MRPL24: variants seen among roughly 807,000 people sequenced by gnomAD.
MRPL24 encodes the protein mitochondrial ribosomal protein L24.
MRPL24 carries 15 observed loss-of-function variants against 26.9 expected under a neutral mutation model. The ratio of observed to expected loss-of-function variants is 0.56; its 90% CI spans 0.37 to 0.86. MRPL24 has a LOEUF of 0.86. Among genes scored for constraint, MRPL24 ranks in the 40% least tolerant of loss-of-function variants. The probability of loss-of-function intolerance (pLI) is 0.00; values close to 1 mark genes in which losing one functional copy is unlikely to be tolerated. For missense variants in MRPL24, 241 were observed against 281.4 expected, an observed-to-expected ratio of 0.86 and a Z score of 1.03; for synonymous variants, 92 against 102.4, an observed-to-expected ratio of 0.90 and a Z score of 0.62.
intron 1 of MRPL24, chr1:156,740,644 C>G (rs993947585): frequency 6.6e-6 from 1 of 152,210 alleles, no homozygotes; most frequent in Non-Finnish European, 1.5e-5. Flanking sequence ...AAGACCCGAG[C>G]CTTCTGTGTG....
Position 156,738,047 on chromosome 1 carries a change from C to G in MRPL24, c.367G>C (p.Val123Leu), listed in dbSNP as rs1649940146. Reference protein sequence around the residue: ...APLLHRQVKLVDPMDRKPTEI... With the variant: ...APLLHRQVKLLDPMDRKPTEI... The stretch of plus-strand genomic sequence containing the variant: ...GTTGCTTGCCTGTCCATAGGATCCA[C>G]AAGTTTGACCTGGCGGTGGAGCAAG... The change falls in exon 4 of 6, where the codon GTG becomes CTG. Residue 123 changes from valine (V) to leucine (L), a missense_variant. By Grantham distance (32) the Val-to-Leu change is conservative. Transcript: ENST00000361531. The G allele has an allele frequency of 1.2e-6, 2 of 1,614,030 alleles. No homozygotes were observed. Among genetic ancestry groups the G allele is most frequent in the Admixed American group, 1.7e-5 (1 of 59,994 alleles).
chr1:156,737,569 G>T (rs765348436), intron 5 of MRPL24, 35 bp from the exon 6 acceptor site: 1 of 1,603,718 alleles, frequency 6.2e-7, no homozygotes, highest in Non-Finnish European at 8.5e-7. Flanking sequence ...TGGGTGGGAG[G>T]GCTTGCCAAC....
rs28697076 is a variant in MRPL24, at chr1:156,738,452, C to T, written c.184-14G>A. On this transcript the variant is annotated splice_polypyrimidine_tract_variant and intron_variant, in intron 2 of 5. Transcript: ENST00000361531. ...TAGGATCTCCACCTGTGGGAAGATA[C>T]GAAGGTTAGGGAGGGGGATCCTTGC... The T allele has an allele frequency of 0.23, 371,478 of 1,613,684 alleles. 43,936 individuals carry two copies. Among genetic ancestry groups the T allele is most frequent in the South Asian group, 0.31 (27,824 of 91,070 alleles).
At position 156,738,137 on chromosome 1, in the gene MRPL24, G is replaced by A. The variant is rs1440550894; in HGVS notation, c.280-3C>T. On this transcript the variant is annotated splice_polypyrimidine_tract_variant and splice_region_variant and intron_variant, in intron 3 of 5. Coordinates refer to ENST00000361531, the MANE Select transcript of MRPL24 (RefSeq NM_145729.3). ...GTCTTGCCAATGTAGCGGTAATGCT[G>A]TCCAAGAGAGGGGAGTGTCAGAAAG... is the stretch of plus-strand genomic sequence containing the variant. 3 of 1,613,980 alleles carry A rather than the reference G, an allele frequency of 1.9e-6. No individual in the cohort carries two copies. Among genetic ancestry groups the A allele is most frequent in the Admixed American group, 3.3e-5 (2 of 60,026 alleles).
Position 156,738,381 on chromosome 1 carries a change from G to T in MRPL24, c.241C>A (p.Arg81=), listed in dbSNP as rs747079517. 5 of 1,613,962 alleles carry T rather than the reference G, an allele frequency of 3.1e-6. No individual in the cohort carries two copies. Among genetic ancestry groups the T allele is most frequent in the Non-Finnish European group, 4.2e-6 (5 of 1,180,026 alleles). ...GKQGKVVQVI[R]QRNWVVVGGL... is the part of the protein sequence containing the mutation. The stretch of plus-strand genomic sequence containing the variant: ...CCCACGACCACCCAGTTTCGCTGCC[G>T]GATAACTTGAACCACTTTGCCCTGC... The change falls in exon 3 of 6, where the codon CGG becomes AGG. Residue 81 remains arginine (R), a synonymous_variant. Coordinates refer to ENST00000361531, the MANE Select transcript of MRPL24 (RefSeq NM_145729.3).
In MRPL24 at chr1:156,737,659, A is replaced by G; in HGVS notation, c.501T>C (p.Pro167=). The change falls in exon 5 of 6, where the codon CCT becomes CCC. Residue 167 remains proline, a synonymous_variant. Coordinates refer to ENST00000361531, the MANE Select transcript of MRPL24 (RefSeq NM_145729.3). ...PEFPRADGIV[P]ETWIDGPKDT... ...CCTCACTCTCACCAATCCACGTTTC[A>G]GGGACGATGCCATCAGCTCTGGGAA... 1 of 1,614,170 alleles carries G rather than the reference A, an allele frequency of 6.2e-7. No homozygotes were observed. Among genetic ancestry groups the G allele is most frequent in the Non-Finnish European group, 8.5e-7 (1 of 1,180,040 alleles).
Position 156,738,262 on chromosome 1 carries a change from C to T in MRPL24, c.279+81G>A. 3 of 1,543,330 alleles carry T rather than the reference C, an allele frequency of 1.9e-6. No individual in the cohort carries two copies. In the South Asian group the frequency reaches 3.3e-5, roughly 17 times the overall value. On this transcript the variant is annotated intron_variant, in intron 3 of 5. Transcript: ENST00000361531. Reference sequence around the variant, plus strand: ...TGCCGCCATCCCCTCAGCCAGTCTCCTGCCACCCTGTGCTGCTCTGAATGG... The same window carrying T: ...TGCCGCCATCCCCTCAGCCAGTCTCTTGCCACCCTGTGCTGCTCTGAATGG...
chr1:156,742,623 G>T (rs1380137482), upstream of MRPL24: 1 of 152,928 alleles, frequency 6.5e-6, no homozygotes, highest in Non-Finnish European at 1.5e-5. Flanking sequence ...CTGGCCTTGA[G>T]CACTGTGTGG....
chr1:156,737,375 G>A lies in MRPL24; in HGVS notation c.*23C>T. ...CCTTCAAGGCTGGGACAGAAGTTGGGGAGGAGCTGCTCTGCCCCAGGCTCA... is the reference window on the plus strand; with the variant it reads ...CCTTCAAGGCTGGGACAGAAGTTGGAGAGGAGCTGCTCTGCCCCAGGCTCA... On this transcript the variant is annotated 3_prime_UTR_variant, in exon 6 of 6. Transcript: ENST00000361531. 6.5e-7 allele frequency: 1 copy of A among 1,538,528 alleles called. No individual in the cohort carries two copies. Among genetic ancestry groups the A allele is most frequent in the Non-Finnish European group, 8.7e-7 (1 of 1,148,828 alleles).
chr1:156,737,420 T>G lies in MRPL24; in HGVS notation c.629A>C (p.Tyr210Ser). The change falls in exon 6 of 6, where the codon TAC (tyrosine) becomes TCC (serine). Residue 210 changes from tyrosine to serine, a missense_variant. Transcript: ENST00000361531. Reference sequence around the variant, plus strand: ...GGCTCAATACCAATAGACCTTCTTGTATTTCCGGGTCTCCTTGATCCCCAT... The same window carrying G: ...GGCTCAATACCAATAGACCTTCTTGGATTTCCGGGTCTCCTTGATCCCCAT... The part of the protein sequence containing the change: ...EAMGIKETRK[Y>S]KKVYWY 6.2e-7 allele frequency: 1 copy of G among 1,600,618 alleles called. No homozygotes were observed. Among genetic ancestry groups the G allele is most frequent in the Non-Finnish European group, 8.5e-7 (1 of 1,174,158 alleles).
rs751489757 is a variant in MRPL24 at position 156,738,139 on chromosome 1, C to T, written c.280-5G>A. The T allele has an allele frequency of 6.2e-7, 1 of 1,613,804 alleles. No homozygotes were observed. The highest frequency in any genetic ancestry group is 8.5e-7 in the Non-Finnish European group (1 of 1,179,856). The stretch of plus-strand genomic sequence containing the variant: ...CTTGCCAATGTAGCGGTAATGCTGT[C>T]CAAGAGAGGGGAGTGTCAGAAAGCA... On this transcript the variant is annotated splice_polypyrimidine_tract_variant and splice_region_variant and intron_variant, in intron 3 of 5. Transcript: ENST00000361531.
chr1:156,738,851 C>T (rs1649987061), intron 1 of MRPL24, 87 bp from the exon 2 acceptor site: 1 of 639,440 alleles, frequency 1.6e-6, no homozygotes, highest in Non-Finnish European at 2.7e-6. Flanking sequence ...TGGACCTCAT[C>T]ACATTGAATC....
At position 156,737,709 on chromosome 1, in the gene MRPL24, C is replaced by T. The variant is rs568681394; in HGVS notation, c.451G>A (p.Gly151Arg). The change falls in exon 5 of 6, where the codon GGG (glycine) becomes AGG (arginine). Residue 151 changes from glycine to arginine, a missense_variant. Physicochemically the swap from Gly to Arg is moderately radical, Grantham distance 125. Coordinates refer to ENST00000361531, the MANE Select transcript of MRPL24 (RefSeq NM_145729.3). ...GERVRVSTRS[G>R]RIIPKPEFPR... ...AATTCGGGTTTAGGGATAATTCTCC[C>T]TGATCGTGTGGAGACTCGTACCCGC... The T allele has an allele frequency of 2.0e-5, 32 of 1,614,170 alleles. No individual in the cohort carries two copies. Among genetic ancestry groups the T allele is most frequent in the South Asian group, 6.6e-5 (6 of 91,084 alleles).
chr1:156,738,019 C>A lies in MRPL24; in HGVS notation c.383+12G>T. The A allele has an allele frequency of 6.2e-7, 1 of 1,612,914 alleles. No individual in the cohort carries two copies. Among genetic ancestry groups the A allele is most frequent in the Non-Finnish European group, 8.5e-7 (1 of 1,178,994 alleles). On this transcript the variant is annotated intron_variant, in intron 4 of 5. Transcript: ENST00000361531. ...GGGTGAGAAACCCTCTGCCCAGAGC[C>A]CCGTTGCTTGCCTGTCCATAGGATC...
chr1:156,742,653 G>T (rs1486253605), upstream of MRPL24: 1 of 153,460 alleles, frequency 6.5e-6, no homozygotes, highest in Non-Finnish European at 1.5e-5. Context: ...AGGACAGCTA[G>T]GAGTCTTCCC....
At chr1:156,741,145 C>T (rs1650091609), upstream of MRPL24, 1 of 152,194 alleles carries the variant, frequency 6.6e-6, no homozygotes, top group Non-Finnish European at 1.5e-5. Flanking sequence ...AGTTGTAGTC[C>T]AAGTGTAAAA....
chr1:156,740,575 C>T (rs1650051288), intron 1 of MRPL24: 1 of 152,146 alleles, frequency 6.6e-6, no homozygotes, highest in African/African-American at 2.4e-5. Flanking sequence ...AATCAAGGCC[C>T]TGAAAGCCGG....
In MRPL24 at chr1:156,738,149, G is replaced by C; in HGVS notation, c.280-15C>G. 2 of 1,613,162 alleles carry C rather than the reference G, an allele frequency of 1.2e-6. No homozygotes were observed. The highest frequency in any genetic ancestry group is 1.7e-6 in the Non-Finnish European group (2 of 1,179,182). ...TAGCGGTAATGCTGTCCAAGAGAGG[G>C]GAGTGTCAGAAAGCACGGGGTGTGA... On this transcript the variant is annotated splice_polypyrimidine_tract_variant and intron_variant, in intron 3 of 5. Coordinates refer to ENST00000361531, the MANE Select transcript of MRPL24 (RefSeq NM_145729.3).
chr1:156,740,854 C>G (rs1650070561), intron 1 of MRPL24, 158 bp downstream of exon 1: 1 of 152,350 alleles, frequency 6.6e-6, no homozygotes, highest in Non-Finnish European at 1.5e-5. Flanking sequence ...TCTGCCCTCT[C>G]AGGTCACGGC....
Sources: gnomAD v4.1 joint callset for allele counts on GRCh38, gnomAD v4.1.1 for gene constraint, MANE v1.5 for transcripts, NCBI Gene and HGNC (gene_info 2026-07-23, HGNC 2026-07-21) for gene names.